The following MAMDC2 variants were observed in gnomAD, a reference collection of about 807,000 sequenced individuals.
The protein encoded by MAMDC2 is MAM domain-containing protein 2.
A neutral mutation model predicts 89.8 loss-of-function variants in MAMDC2; 57 were observed. That is an observed-to-expected ratio of 0.63 (90% CI 0.51 to 0.79). The LOEUF (loss-of-function observed/expected upper bound fraction) is 0.79, where lower values mean the gene tolerates loss of function less well. MAMDC2 is among the 30% of genes least tolerant of loss of function. MAMDC2 has a pLI of 0.00. For missense variants in MAMDC2, 800 were observed against 820.6 expected (o/e 0.97, Z 0.31); for synonymous variants, 313 against 293.4 (o/e 1.07, Z -0.68).
intron 9 of MAMDC2, chr9:70,153,873 G>A (rs910462031): frequency 6.6e-6 from 1 of 152,048 alleles, no homozygotes; most frequent in Non-Finnish European, 1.5e-5. Flanking sequence ...GAGCACAAAT[G>A]CCTTGAGATA....
intron 11 of MAMDC2, among the ~76,000 whole-genome samples, chr9:70,214,094 A>T (rs753809069): frequency 2.6e-5 from 4 of 152,248 alleles, no homozygotes; most frequent in Non-Finnish European, 4.4e-5. Flanking sequence ...CAAGAAAAAA[A>T]ATCTCTGTCC....
At chr9:70,068,845 G>A (rs2118072608) in intron 2 of MAMDC2, among the ~76,000 whole-genome samples, 1 of 152,218 alleles carries the variant, frequency 6.6e-6, no homozygotes, top group East Asian at 1.9e-4. Flanking sequence ...GAACGGAAGA[G>A]TTTTATTAGG....
At chr9:70,202,345 T>C (rs1393171486) in intron 11 of MAMDC2, among the ~76,000 whole-genome samples, 3 of 152,200 alleles carry the variant, frequency 2.0e-5, no homozygotes, top group Non-Finnish European at 4.4e-5. Context: ...CTGTTCAGTT[T>C]CCATGTAGTT....
intron 11 of MAMDC2, among the ~76,000 whole-genome samples, chr9:70,208,937 T>C (rs1299185889): frequency 6.6e-6 from 1 of 152,200 alleles, no homozygotes; most frequent in Admixed American, 6.5e-5. Context: ...CTATGTTTAT[T>C]GATTTGTGTA....
At chr9:70,221,850 G>A (rs1020622231) in intron 12 of MAMDC2, among the ~76,000 whole-genome samples, 3 of 152,080 alleles carry the variant, frequency 2.0e-5, no homozygotes, top group Non-Finnish European at 4.4e-5. Flanking sequence ...AAGTGGTGAG[G>A]TCAAAGAAGT....
intron 2 of MAMDC2, among the ~76,000 whole-genome samples, chr9:70,072,194 T>C (rs1431053291): frequency 6.6e-6 from 1 of 152,166 alleles, no homozygotes; most frequent in Non-Finnish European, 1.5e-5. Context: ...GTTTATTTTG[T>C]TTTAAATTCT....
At chr9:70,087,579 G>A (rs1827799731) in intron 2 of MAMDC2, 1 of 152,108 alleles carries the variant, frequency 6.6e-6, no homozygotes, top group Non-Finnish European at 1.5e-5. Context: ...CAATCACTGT[G>A]GCAAAGGGTT....
intron 9 of MAMDC2, among the ~76,000 whole-genome samples, chr9:70,156,124 C>A (rs2031756949): frequency 6.6e-6 from 1 of 152,144 alleles, no homozygotes; most frequent in African/African-American, 2.4e-5. Context: ...TAACATTGTG[C>A]AACATGGTTC....
At chr9:70,130,006 TTCTGTGTGTGTGTG>T (rs1203610633) in intron 6 of MAMDC2, among the ~76,000 whole-genome samples, 1 of 70,476 alleles carries the variant, frequency 1.4e-5, no homozygotes, top group African/African-American at 5.5e-5. Context: ...TCACATGGCA[TTCTGTGTGTGTGTG>T]TGTGTGTGTG....
intron 11 of MAMDC2, among the ~76,000 whole-genome samples, chr9:70,209,109 T>C (rs1391036716): frequency 6.6e-6 from 1 of 152,204 alleles, no homozygotes; most frequent in Non-Finnish European, 1.5e-5. Flanking sequence ...GTTGCGTCTC[T>C]GCCAGGCTTT....
At chr9:70,131,871 AT>A (rs2030820984) in intron 7 of MAMDC2, among the ~76,000 whole-genome samples, 1 of 152,190 alleles carries the variant, frequency 6.6e-6, no homozygotes, top group Non-Finnish European at 1.5e-5. Context: ...GGAAAAGAAA[AT>A]TAAATAATAC....
At chr9:70,070,246 G>C (rs904790938) in intron 2 of MAMDC2, among the ~76,000 whole-genome samples, 1 of 152,150 alleles carries the variant, frequency 6.6e-6, no homozygotes, top group African/African-American at 2.4e-5. Flanking sequence ...ACTGGTCCTG[G>C]ACCTTTTCAC....
chr9:70,091,043 T>G (rs1827888313), intron 2 of MAMDC2, among the ~76,000 whole-genome samples: 2 of 152,026 alleles, frequency 1.3e-5, no homozygotes, highest in Non-Finnish European at 2.9e-5. Context: ...TGTAGAAAAA[T>G]TAAAAGGCTA....
At chr9:70,210,405 T>G (rs369138773) in intron 11 of MAMDC2, among the ~76,000 whole-genome samples, 8 of 152,226 alleles carry the variant, frequency 5.3e-5, no homozygotes, top group East Asian at 1.9e-4. Flanking sequence ...TTTGTCTCTT[T>G]TGATCTTTGT....
chr9:70,168,528 T>C, intron 9 of MAMDC2, 174 bp from the exon 10 acceptor site: 1 of 571,108 alleles, frequency 1.8e-6, no homozygotes, highest in Middle Eastern at 4.6e-4. Context: ...ATTCCAGGGT[T>C]TTATGCAGAT....
At chr9:70,141,347 C>G (rs1037272720) in intron 8 of MAMDC2, among the ~76,000 whole-genome samples, 1 of 152,096 alleles carries the variant, frequency 6.6e-6, no homozygotes, top group Non-Finnish European at 1.5e-5. Context: ...CTCAGTTTGT[C>G]AATTTTCAAA....
chr9:70,143,572 A>T lies in MAMDC2; in HGVS notation c.1157A>T (p.Asn386Ile), dbSNP rs1467388798. The T allele has an allele frequency of 6.2e-7, 1 of 1,614,154 alleles. No individual in the cohort carries two copies. Among genetic ancestry groups the T allele is most frequent in the Admixed American group, 1.7e-5 (1 of 60,018 alleles). The change falls in exon 9 of 14, where the codon AAC (asparagine) becomes ATC (isoleucine). Residue 386 changes from asparagine (N) to isoleucine (I), a missense_variant. Coordinates refer to ENST00000377182, the MANE Select transcript of MAMDC2 (RefSeq NM_153267.5). Reference protein sequence around the residue: ...TTGLGYYLLANTKFTSQPGYI... With the variant: ...TTGLGYYLLAITKFTSQPGYI... The stretch of plus-strand genomic sequence containing the variant: ...TTTGCAGGGTATTACCTGCTAGCCA[A>T]CACAAAGTTCACATCTCAGCCTGGC...
chr9:70,212,577 G>A (rs564458203), intron 11 of MAMDC2, among the ~76,000 whole-genome samples: 6 of 152,264 alleles, frequency 3.9e-5, no homozygotes, highest in African/African-American at 7.2e-5. Context: ...TGCGCTTTCC[G>A]GGTGAGGTGA....
chr9:70,225,799 T>G lies in MAMDC2; in HGVS notation c.1961T>G (p.Ile654Ser), dbSNP rs574403159. ...GTATCAATAAGAAGTGATATTGCCA[T>G]TGATGATGTTAAATTTCAGGCAGGA... The part of the protein sequence containing the change: ...RGVSIRSDIA[I>S]DDVKFQAGPC... Residue 654 changes from isoleucine (I) to serine (S), a missense_variant, in exon 13 of 14, where the codon ATT becomes AGT. Transcript: ENST00000377182. The G allele has an allele frequency of 1.9e-6, 3 of 1,611,286 alleles. No homozygotes were observed. Among genetic ancestry groups the G allele is most frequent in the Non-Finnish European group, 1.7e-6 (2 of 1,177,678 alleles).
Sources: gnomAD v4.1 joint callset for allele counts (sites outside exome capture counted in the v4.1 genomes callset) on GRCh38, gnomAD v4.1.1 for gene constraint, MANE v1.5 for transcripts, NCBI Gene and HGNC (gene_info 2026-07-23, HGNC 2026-07-21) for gene names.